IMMP2L: variants seen among roughly 807,000 people sequenced by gnomAD.
IMMP2L encodes the protein inner mitochondrial membrane peptidase subunit 2.
A neutral mutation model predicts 19.3 loss-of-function variants in IMMP2L; 18 were observed. The observed-to-expected ratio is 0.93, with a 90% CI of 0.64 to 1.38. The LOEUF is 1.38. Among genes scored for constraint, IMMP2L ranks in the 40% most tolerant of loss-of-function variants. The pLI is 0.00. For synonymous variants in IMMP2L, 76 were observed against 73.0 expected (o/e 1.04, Z -0.21); for missense variants, 233 against 218.2 (o/e 1.07, Z -0.43).
intron 3 of IMMP2L, among the ~76,000 whole-genome samples, chr7:111,098,211 C>T (rs116930912): frequency 0.017 from 2,574 of 151,904 alleles, 30 homozygotes; most frequent in Non-Finnish European, 0.025. Flanking sequence ...GACTCACTTA[C>T]CAAACACATA....
rs1374878027 is a variant in IMMP2L at position 110,803,608 on chromosome 7, T to C, written c.408+82985A>G. Among the ~76,000 whole-genome samples the C allele has an allele frequency of 2.0e-5, 3 of 152,040 alleles. No individual in the cohort carries two copies. The highest frequency in any genetic ancestry group is 4.8e-5 in the African/African-American group (2 of 41,422). On this transcript the variant is annotated intron_variant, in intron 5 of 5. Coordinates refer to ENST00000405709, the MANE Select transcript of IMMP2L (RefSeq NM_032549.4). The surrounding 1 kb of genome is among the most constrained non-coding windows in gnomAD (Gnocchi z 4.2). ...AGAATGTCTTGGGTTGGGGTCTTCC[T>C]ACCTCTGCTGTGGTTAGTCATTGGA... is the stretch of plus-strand genomic sequence containing the variant.
rs921480134 is a variant in IMMP2L, at chr7:111,492,232, C to A, written c.136-4891G>T. On this transcript the variant is annotated intron_variant, in intron 2 of 5. Transcript: ENST00000405709. ...TTTAGTGGAAAGAATTTAAAAAAAT[C>A]AATTAGTGGAATTTCCAAAGATTTT... The A allele has an allele frequency of 1.6e-4, 33 of 210,986 alleles. No homozygotes were observed. In the Admixed American group the frequency reaches 2.2e-3, roughly 14 times the overall value. 13.1% of individuals were successfully genotyped at this position (210,986 alleles called of 1,614,324 possible). A position where few individuals can be genotyped will look rare whatever the true frequency, so the allele number is the denominator to read the frequency against.
chr7:110,806,969 T>C (rs540692744), intron 5 of IMMP2L, among the ~76,000 whole-genome samples: 15 of 152,064 alleles, frequency 9.9e-5, no homozygotes. Flanking sequence ...TGTAAATCCT[T>C]TAATATTACC....
chr7:110,988,910 C>T (rs761343810), intron 3 of IMMP2L, among the ~76,000 whole-genome samples: 17 of 151,840 alleles, frequency 1.1e-4, no homozygotes, highest in Non-Finnish European at 1.9e-4. Context: ...AAAAATGATC[C>T]TCTGGGAGAA....
chr7:111,270,646 G>C (rs1818357875), intron 3 of IMMP2L, among the ~76,000 whole-genome samples: 1 of 152,100 alleles, frequency 6.6e-6, no homozygotes. Context: ...CTACCCTTTG[G>C]AAAGTAGTTG....
At chr7:110,982,255 T>C (rs1407859639) in intron 3 of IMMP2L, among the ~76,000 whole-genome samples, 1 of 152,172 alleles carries the variant, frequency 6.6e-6, no homozygotes, top group Non-Finnish European at 1.5e-5. Flanking sequence ...TGCTGCGTCA[T>C]TCAGCCAAAG....
chr7:111,492,316 A>G, intron 2 of IMMP2L: 4 of 783,800 alleles, frequency 5.1e-6, no homozygotes, highest in Non-Finnish European at 6.2e-6. Context: ...CCCCAAATAT[A>G]CTTCCCCTCC....
chr7:111,114,483 A>C (rs977097207), intron 3 of IMMP2L, among the ~76,000 whole-genome samples: 9 of 152,178 alleles, frequency 5.9e-5, no homozygotes, highest in Admixed American at 1.3e-4. Context: ...CACACCTGTA[A>C]TCCCAGCACT....
intron 5 of IMMP2L, among the ~76,000 whole-genome samples, chr7:110,666,136 T>C (rs1584440545): frequency 6.6e-6 from 1 of 152,188 alleles, no homozygotes; most frequent in African/African-American, 2.4e-5. Context: ...CTATGTGTCC[T>C]TTGGATACAT....
At chr7:111,376,322 T>G (rs377744706) in intron 3 of IMMP2L, among the ~76,000 whole-genome samples, 2 of 152,002 alleles carry the variant, frequency 1.3e-5, no homozygotes, top group East Asian at 1.9e-4. Flanking sequence ...ACATCATTAG[T>G]TATCAGGGAA....
intron 3 of IMMP2L, among the ~76,000 whole-genome samples, chr7:111,413,244 C>T (rs538051401): frequency 1.3e-5 from 2 of 152,216 alleles, no homozygotes; most frequent in Admixed American, 1.3e-4. Flanking sequence ...AAAGAAAATT[C>T]CTGGACCAGA....
At chr7:111,404,248 A>C (rs1833720256) in intron 3 of IMMP2L, among the ~76,000 whole-genome samples, 1 of 152,134 alleles carries the variant, frequency 6.6e-6, no homozygotes, top group African/African-American at 2.4e-5. Flanking sequence ...AAAAATGGTC[A>C]CCACAAGAAG....
chr7:110,948,173 A>G (rs924055661), intron 4 of IMMP2L, among the ~76,000 whole-genome samples: 11 of 152,210 alleles, frequency 7.2e-5, no homozygotes, highest in Admixed American at 7.2e-4. Flanking sequence ...AGAAAACTAG[A>G]GATACTTTTT....
At chr7:111,202,227 C>T (rs1810222238) in intron 3 of IMMP2L, among the ~76,000 whole-genome samples, 2 of 152,142 alleles carry the variant, frequency 1.3e-5, no homozygotes, top group African/African-American at 2.4e-5. Flanking sequence ...ATGACACCCA[C>T]TCTTGGCAGA....
At chr7:111,327,486 A>G (rs1426148707) in intron 3 of IMMP2L, among the ~76,000 whole-genome samples, 1 of 151,678 alleles carries the variant, frequency 6.6e-6, no homozygotes, top group African/African-American at 2.4e-5. Flanking sequence ...CCTGCGAGGT[A>G]CTGTAACCCA....
chr7:111,087,790 T>C (rs1176464680), intron 3 of IMMP2L, among the ~76,000 whole-genome samples: 1 of 152,180 alleles, frequency 6.6e-6, no homozygotes, highest in Non-Finnish European at 1.5e-5. Flanking sequence ...AGATTATATC[T>C]TGTTAAAGGA....
At chr7:110,849,272 T>C (rs1465852047) in intron 5 of IMMP2L, among the ~76,000 whole-genome samples, 2 of 152,154 alleles carry the variant, frequency 1.3e-5, no homozygotes, top group African/African-American at 4.8e-5. Context: ...AAACTCAGTG[T>C]ACATATCTAT....
chr7:111,363,765 C>A (rs1423266838), intron 3 of IMMP2L, among the ~76,000 whole-genome samples: 1 of 152,030 alleles, frequency 6.6e-6, no homozygotes, highest in Non-Finnish European at 1.5e-5. Context: ...CATATAAGGA[C>A]AAGATTACCT....
intron 3 of IMMP2L, among the ~76,000 whole-genome samples, chr7:111,075,901 A>G (rs1458529476): frequency 6.6e-6 from 1 of 152,226 alleles, no homozygotes; most frequent in African/African-American, 2.4e-5. Context: ...ACTATTAGAA[A>G]AAAACATAAT....
Sources: gnomAD v4.1 joint callset for allele counts (sites outside exome capture counted in the v4.1 genomes callset) on GRCh38, gnomAD v4.1.1 for gene constraint, Gnocchi (gnomAD v3.1) non-coding constraint, MANE v1.5 for transcripts, NCBI Gene and HGNC (gene_info 2026-07-23, HGNC 2026-07-21) for gene names.